Variants in CCDC18 observed in about 807,000 individuals in gnomAD.
CCDC18 encodes the protein coiled-coil domain-containing protein 18.
CCDC18 carries 157 observed loss-of-function variants against 196.0 expected under a neutral mutation model. The observed-to-expected ratio is 0.80, with a 90% CI of 0.70 to 0.91. CCDC18 has a LOEUF of 0.91. CCDC18 is among the 40% of genes least tolerant of loss of function. CCDC18 has a pLI of 0.00. For missense variants in CCDC18, 1,465 were observed against 1,611.6 expected, an observed-to-expected ratio of 0.91 and a Z score of 1.56; for synonymous variants, 482 against 529.2, an observed-to-expected ratio of 0.91 and a Z score of 1.22.
At chr1:93,221,145 C>T (rs2102214932) in intron 14 of CCDC18, among the ~76,000 whole-genome samples, 1 of 152,270 alleles carries the variant, frequency 6.6e-6, no homozygotes, top group Admixed American at 6.5e-5. Context: ...GGTATATACC[C>T]AGTAATGGGA....
At chr1:93,276,907 G>A (rs1388388302) in intron 28 of CCDC18, among the ~76,000 whole-genome samples, 2 of 140,716 alleles carry the variant, frequency 1.4e-5, no homozygotes, top group East Asian at 2.0e-4. Flanking sequence ...GGGAACCAGG[G>A]TTCAGCATAT....
chr1:93,223,900 TACACACACACAC>T (rs60165485), intron 16 of CCDC18, among the ~76,000 whole-genome samples: 182 of 141,386 alleles, frequency 1.3e-3, no homozygotes, highest in Middle Eastern at 3.4e-3. Flanking sequence ...CATTTATTTA[TACACACACACAC>T]ACACACACAC....
upstream of CCDC18, chr1:93,180,387 C>T: frequency 2.4e-6 from 3 of 1,248,900 alleles, no homozygotes; most frequent in Non-Finnish European, 3.3e-6. Flanking sequence ...GGCGAACACT[C>T]CCTCCGAAAG....
intron 14 of CCDC18, among the ~76,000 whole-genome samples, chr1:93,218,484 T>C (rs1656861114): frequency 6.6e-6 from 1 of 152,070 alleles, no homozygotes; most frequent in Non-Finnish European, 1.5e-5. Flanking sequence ...AAAAGTGTGT[T>C]CTCTCTCTTA....
intron 19 of CCDC18, 88 bp from the exon 20 acceptor site, chr1:93,239,222 A>T: frequency 1.0e-6 from 1 of 983,916 alleles, no homozygotes. Flanking sequence ...ATTTGTCCTT[A>T]TATAACTTGC....
chr1:93,188,988 A>G (rs1651233498), intron 4 of CCDC18, among the ~76,000 whole-genome samples: 1 of 151,986 alleles, frequency 6.6e-6, no homozygotes, highest in South Asian at 2.1e-4. Flanking sequence ...ATCCAGTTAA[A>G]CTCTTAGTTA....
chr1:93,186,256 G>T (rs562253086), intron 3 of CCDC18, 89 bp from the exon 4 acceptor site: 14 of 1,227,648 alleles, frequency 1.1e-5, no homozygotes, highest in Admixed American at 9.2e-5. Context: ...TCGTCATTTT[G>T]TTAATAATTG....
rs574070151 is a variant in CCDC18 at position 93,250,660 on chromosome 1, G to C, written c.3198+3706G>C. On this transcript the variant is annotated intron_variant, in intron 23 of 28. Coordinates refer to ENST00000690025, the MANE Select transcript of CCDC18 (RefSeq NM_001378204.1). ...GGAGCTTTATATGCCTGGGTGCATA[G>C]ATATTTATAATTTTTATATCCTCTT... Among the ~76,000 whole-genome samples the C allele has an allele frequency of 1.1e-3, 160 of 152,230 alleles. 1 individual carries two copies. The highest frequency in any genetic ancestry group is 8.7e-3 in the South Asian group (42 of 4,814).
intron 16 of CCDC18, among the ~76,000 whole-genome samples, chr1:93,224,071 T>C (rs1433838803): frequency 6.6e-6 from 1 of 152,158 alleles, no homozygotes; most frequent in Non-Finnish European, 1.5e-5. Flanking sequence ...TTATTAGCTA[T>C]AATTGATTTA....
At chr1:93,271,874 TTTCTC>T (rs1376219154) in intron 28 of CCDC18, among the ~76,000 whole-genome samples, 1 of 152,196 alleles carries the variant, frequency 6.6e-6, no homozygotes, top group Non-Finnish European at 1.5e-5. Context: ...CTTTTGATAT[TTTCTC>T]TTCTCTTGAC....
Position 93,278,600 on chromosome 1 carries a change from A to G in CCDC18, c.*123A>G, listed in dbSNP as rs894134837. ...GCTTTTGAATAAATTTTATATTTCA[A>G]TATTTTAAAAGAAAGCCCTTCTAAA... is the stretch of plus-strand genomic sequence containing the variant. On this transcript the variant is annotated 3_prime_UTR_variant, in exon 29 of 29. Coordinates refer to ENST00000690025, the MANE Select transcript of CCDC18 (RefSeq NM_001378204.1). 2.3e-5 allele frequency: 10 copies of G among 435,558 alleles called. No homozygotes were observed. The South Asian group carries it at 5.2e-4, about 23-fold the overall frequency. The allele number at this position is 435,558 out of a possible 1,614,324, so 27.0% of individuals were successfully genotyped here. A position where few individuals can be genotyped will look rare whatever the true frequency, so the allele number is the denominator to read the frequency against.
At chr1:93,270,875 C>A in intron 28 of CCDC18, 61 bp downstream of exon 28, 1 of 1,371,314 alleles carries the variant, frequency 7.3e-7, no homozygotes, top group Non-Finnish European at 9.5e-7. Flanking sequence ...CATTTTATTA[C>A]TTGGAAGAAA....
rs764592710 is a variant in CCDC18, at chr1:93,239,680, T to C, written c.2768-3T>C. 1.3e-6 allele frequency: 2 copies of C among 1,587,192 alleles called. No individual in the cohort carries two copies. The highest frequency in any genetic ancestry group is 1.7e-5 in the Admixed American group (1 of 58,714). ...TTATAAAATTATTCTCTCCTCTTAA[T>C]AGTAAAGGAGTTAGAAAAGTTACAG... On this transcript the variant is annotated splice_region_variant and splice_polypyrimidine_tract_variant and intron_variant, in intron 20 of 28. Coordinates refer to ENST00000690025, the MANE Select transcript of CCDC18 (RefSeq NM_001378204.1).
chr1:93,197,864 G>T (rs1242496204), intron 6 of CCDC18, among the ~76,000 whole-genome samples: 1 of 142,230 alleles, frequency 7.0e-6, no homozygotes, highest in Non-Finnish European at 1.5e-5. Flanking sequence ...CCATTCTCTT[G>T]CTTCAGCCTC....
intron 6 of CCDC18, 103 bp downstream of exon 6, chr1:93,193,847 T>G (rs918604122): frequency 2.3e-6 from 2 of 865,502 alleles, no homozygotes; most frequent in Non-Finnish European, 3.4e-6. Context: ...ATTTCAGAGA[T>G]TTGGCAATAA....
chr1:93,256,471 A>C lies in CCDC18; in HGVS notation c.3479A>C (p.Gln1160Pro). 6.2e-7 allele frequency: 1 copy of C among 1,614,120 alleles called. No homozygotes were observed. The stretch of plus-strand genomic sequence containing the variant: ...GCAGAGGCTCGTCATCAGCAAGTCC[A>C]AGCACAGAGAGAAATAGAAAGGCTC... ...ELAEARHQQV[Q>P]AQREIERLSS... Residue 1160 changes from glutamine (Q) to proline (P), a missense_variant, in exon 25 of 29, where the codon CAA (glutamine) becomes CCA (proline). By Grantham distance (76) the Gln-to-Pro change is moderately conservative. Transcript: ENST00000690025.
At chr1:93,209,173 G>A (rs567700195) in intron 9 of CCDC18, among the ~76,000 whole-genome samples, 2 of 151,990 alleles carry the variant, frequency 1.3e-5, no homozygotes, top group East Asian at 3.9e-4. Flanking sequence ...GGTCAGGCTG[G>A]TCTCGAACTC....
chr1:93,200,603 G>A (rs1447253772), intron 6 of CCDC18, among the ~76,000 whole-genome samples: 4 of 152,198 alleles, frequency 2.6e-5, no homozygotes, highest in Non-Finnish European at 5.9e-5. Flanking sequence ...TACCTCTGTT[G>A]GAAGAAGTCA....
chr1:93,233,166 ACCTATAATTTTTCCTTTTTGGAT>A (rs1659505785), intron 18 of CCDC18, among the ~76,000 whole-genome samples: 1 of 152,198 alleles, frequency 6.6e-6, no homozygotes, highest in Non-Finnish European at 1.5e-5. Flanking sequence ...TAATCTGAAT[ACCTATAATTTTTCCTTTTTGGAT>A]CAGGACATGG....
Sources: gnomAD v4.1 joint callset for allele counts (sites outside exome capture counted in the v4.1 genomes callset) on GRCh38, gnomAD v4.1.1 for gene constraint, MANE v1.5 for transcripts, NCBI Gene and HGNC (gene_info 2026-07-23, HGNC 2026-07-21) for gene names.